NCKAP5: variants seen among roughly 807,000 people sequenced by gnomAD.
The protein encoded by NCKAP5 is NCK associated protein 5, also known as nck-associated protein 5.
A neutral mutation model predicts 167.0 loss-of-function variants in NCKAP5; 92 were observed. That is an observed-to-expected ratio of 0.55 (90% confidence interval 0.47 to 0.66). The LOEUF is 0.66. Ranked by LOEUF, NCKAP5 falls within the 30% of genes least tolerant of loss-of-function variation. The pLI, the probability that NCKAP5 is intolerant of heterozygous loss-of-function variation, is 0.00. For synonymous variants in NCKAP5, 891 were observed against 877.4 expected, an observed-to-expected ratio of 1.02 and a Z score of -0.27; for missense variants, 2,378 against 2,315.0, an observed-to-expected ratio of 1.03 and a Z score of -0.56.
intron 16 of NCKAP5, among the ~76,000 whole-genome samples, chr2:132,768,194 T>A (rs982353098): frequency 1.2e-4 from 19 of 152,366 alleles, no homozygotes; most frequent in African/African-American, 3.6e-4. Flanking sequence ...ACAATCCTAA[T>A]AGGATTCAAT....
chr2:133,278,360 T>C (rs2089813798), intron 4 of NCKAP5, among the ~76,000 whole-genome samples: 1 of 152,208 alleles, frequency 6.6e-6, no homozygotes, highest in Non-Finnish European at 1.5e-5. Flanking sequence ...TCCCAGCATC[T>C]AGAGGCTGCC....
At chr2:132,899,250 C>T (rs1255864940) in intron 8 of NCKAP5, among the ~76,000 whole-genome samples, 1 of 152,212 alleles carries the variant, frequency 6.6e-6, no homozygotes, top group Non-Finnish European at 1.5e-5. Context: ...TAGCTTCAGA[C>T]TTTTCTTCTG....
chr2:133,115,428 G>T (rs2082040327), intron 6 of NCKAP5, among the ~76,000 whole-genome samples: 1 of 152,090 alleles, frequency 6.6e-6, no homozygotes. Flanking sequence ...CACTTCAAAT[G>T]ATTGTTCACT....
intron 2 of NCKAP5, among the ~76,000 whole-genome samples, chr2:133,538,587 G>A (rs552732853): frequency 7.9e-5 from 12 of 152,090 alleles, no homozygotes; most frequent in African/African-American, 2.2e-4. Context: ...AAAGGACACC[G>A]AAGTCTTGGA....
At chr2:133,620,542 G>A in the NCKAP5 span, among the ~76,000 whole-genome samples, 1 of 152,014 alleles carries the variant, frequency 6.6e-6, no homozygotes, top group Non-Finnish European at 1.5e-5. Context: ...ATTATATAGT[G>A]ACAAAGGACT....
At chr2:133,020,423 G>C (rs1324665449) in intron 6 of NCKAP5, among the ~76,000 whole-genome samples, 2 of 152,156 alleles carry the variant, frequency 1.3e-5, no homozygotes, top group East Asian at 1.9e-4. Context: ...AACAGAAGAG[G>C]AGAATAAAAG....
chr2:133,347,781 C>A, intron 3 of NCKAP5, among the ~76,000 whole-genome samples: 1 of 152,076 alleles, frequency 6.6e-6, no homozygotes, highest in Non-Finnish European at 1.5e-5. Context: ...AAGTGCCTTT[C>A]CCTGAAAATT....
intron 8 of NCKAP5, among the ~76,000 whole-genome samples, chr2:132,932,495 T>C (rs1247748886): frequency 6.6e-6 from 1 of 152,192 alleles, no homozygotes; most frequent in Non-Finnish European, 1.5e-5. Context: ...TGGCCACTTT[T>C]AAAGGCCAAA....
At chr2:133,405,357 C>T (rs1688358322) in intron 3 of NCKAP5, among the ~76,000 whole-genome samples, 1 of 152,228 alleles carries the variant, frequency 6.6e-6, no homozygotes, top group Admixed American at 6.5e-5. Flanking sequence ...ACATCACAGC[C>T]TTCGTGCACT....
intron 6 of NCKAP5, among the ~76,000 whole-genome samples, chr2:133,005,161 G>A (rs960463018): frequency 3.3e-5 from 5 of 152,170 alleles, no homozygotes; most frequent in African/African-American, 1.2e-4. Flanking sequence ...TTACGAAGAT[G>A]ATGGGATTAA....
chr2:133,063,229 C>T (rs1393782219), intron 6 of NCKAP5, among the ~76,000 whole-genome samples: 1 of 152,192 alleles, frequency 6.6e-6, no homozygotes, highest in East Asian at 1.9e-4. Context: ...GAGTGACTCC[C>T]TTCCTTAGGA....
intron 7 of NCKAP5, among the ~76,000 whole-genome samples, chr2:132,969,965 G>A (rs1162127377): frequency 1.3e-5 from 2 of 152,064 alleles, no homozygotes; most frequent in Non-Finnish European, 2.9e-5. Context: ...AGAATATAAG[G>A]TAACATTGAG....
intron 8 of NCKAP5, among the ~76,000 whole-genome samples, chr2:132,929,460 C>T (rs1696188380): frequency 1.3e-5 from 2 of 152,134 alleles, no homozygotes; most frequent in South Asian, 2.1e-4. Context: ...GGTTAAAAAA[C>T]CCTAAAAATA....
At chr2:133,345,072 G>A (rs1011837685) in intron 3 of NCKAP5, among the ~76,000 whole-genome samples, 1 of 152,102 alleles carries the variant, frequency 6.6e-6, no homozygotes, top group Non-Finnish European at 1.5e-5. Flanking sequence ...TGGGGAGGAG[G>A]CAACCTTTTA....
chr2:133,091,093 T>C (rs1410807610), intron 6 of NCKAP5, among the ~76,000 whole-genome samples: 1 of 152,182 alleles, frequency 6.6e-6, no homozygotes, highest in Non-Finnish European at 1.5e-5. Context: ...GCTCTGGCCA[T>C]GTAAGATGTG....
At chr2:133,430,655 T>C (rs1048457397) in intron 3 of NCKAP5, among the ~76,000 whole-genome samples, 1 of 152,194 alleles carries the variant, frequency 6.6e-6, no homozygotes, top group Non-Finnish European at 1.5e-5. Context: ...CTTATTATTG[T>C]TGACTGTTGA....
intron 3 of NCKAP5, among the ~76,000 whole-genome samples, chr2:133,326,238 G>A (rs1237975721): frequency 7.9e-5 from 12 of 152,156 alleles, no homozygotes; most frequent in South Asian, 2.1e-4. Context: ...GGCGGATCAC[G>A]AGCTCAGGAG....
At position 133,526,171 on chromosome 2, in the gene NCKAP5, GGAAGGAAGGAA is replaced by G. The variant is rs1558755035; in HGVS notation, c.-61-8595_-61-8585del. Among the ~76,000 whole-genome samples the G allele has an allele frequency of 5.3e-5, 5 of 93,560 alleles. No homozygotes were observed. The East Asian group carries it at 2.3e-3, about 42-fold the overall frequency. 61.4% of individuals were successfully genotyped at this position (93,560 alleles called of 152,430 possible). ...AGGAACAGAGAAAGGGAATGAGGAA[GGAAGGAAGGAA>G]GGAAGGAAGGAAGGAAGGAAGGAAG... On this transcript the variant is annotated intron_variant, in intron 2 of 19. Coordinates refer to ENST00000409261, the MANE Select transcript of NCKAP5 (RefSeq NM_207363.3).
At chr2:133,065,725 A>G (rs1168803903) in intron 6 of NCKAP5, among the ~76,000 whole-genome samples, 1 of 152,180 alleles carries the variant, frequency 6.6e-6, no homozygotes, top group Non-Finnish European at 1.5e-5. Flanking sequence ...CCAGCAGGCA[A>G]GAGGACCCCT....
Sources: gnomAD v4.1 joint callset for allele counts (sites outside exome capture counted in the v4.1 genomes callset) on GRCh38, gnomAD v4.1.1 for gene constraint, MANE v1.5 for transcripts, NCBI Gene and HGNC (gene_info 2026-07-23, HGNC 2026-07-21) for gene names.